SDAD1: variants seen among roughly 807,000 people sequenced by gnomAD.
SDAD1 encodes the protein SDA1 domain containing 1.
A neutral mutation model predicts 100.3 loss-of-function variants in SDAD1; 79 were observed. The observed-to-expected ratio is 0.79, with a 90% CI of 0.66 to 0.95. SDAD1 has a LOEUF of 0.95. Ranked by LOEUF, SDAD1 falls within the 40% of genes least tolerant of loss-of-function variation. The probability of loss-of-function intolerance (pLI) is 0.00; values close to 1 mark genes in which losing one functional copy is unlikely to be tolerated. For synonymous variants in SDAD1, 267 were observed against 271.4 expected, an observed-to-expected ratio of 0.98 and a Z score of 0.16; for missense variants, 790 against 810.9, an observed-to-expected ratio of 0.97 and a Z score of 0.31.
chr4:75,969,637 T>C (rs1465270415), intron 10 of SDAD1, among the ~76,000 whole-genome samples: 1 of 152,198 alleles, frequency 6.6e-6, no homozygotes, highest in Non-Finnish European at 1.5e-5. Context: ...CTCTAGATCC[T>C]TGCTTCTTAA....
intron 1 of SDAD1, among the ~76,000 whole-genome samples, chr4:75,986,700 C>T (rs1435797769): frequency 6.6e-6 from 1 of 152,068 alleles, no homozygotes; most frequent in Non-Finnish European, 1.5e-5. Context: ...TTTCTGCCAT[C>T]TTAAAAACAA....
At chr4:75,972,649 A>AT (rs33999037) in intron 8 of SDAD1, among the ~76,000 whole-genome samples, 142,038 of 143,852 alleles carry the variant, frequency 0.99, 70,125 homozygotes, top group South Asian at 1. Flanking sequence ...GGGAAGGATA[A>AT]TTTTTTTTTT....
Position 75,975,700 on chromosome 4 carries a change from G to GAA in SDAD1, c.578+42_578+43dup, listed in dbSNP as rs746715728. The GAA allele has an allele frequency of 2.1e-5, 28 of 1,325,008 alleles. 1 individual carries two copies. The South Asian group carries it at 3.1e-4, about 15-fold the overall frequency. 82.1% of individuals were successfully genotyped at this position (1,325,008 alleles called of 1,614,324 possible). ...TATGTGCTCTGTATTAATTACAAATGAAAAAAGAGTCTACTTCTCAAGAGA... is the reference window on the plus strand; with the variant it reads ...TATGTGCTCTGTATTAATTACAAATGAAAAAAAAGAGTCTACTTCTCAAGAGA... On this transcript the variant is annotated intron_variant, in intron 6 of 21. Coordinates refer to ENST00000356260, the MANE Select transcript of SDAD1 (RefSeq NM_018115.4).
chr4:75,984,762 T>TACACACAA (rs1730769637), intron 1 of SDAD1, among the ~76,000 whole-genome samples: 1 of 72,848 alleles, frequency 1.4e-5, no homozygotes, highest in African/African-American at 6.1e-5. Flanking sequence ...TTATGTGACA[T>TACACACAA]ACACACACAC....
In SDAD1 at chr4:75,990,717, T is replaced by C. The variant is rs747959286; in HGVS notation, c.90+35A>G. ...GCACCGGCGTCTCAACCATCCACTA[T>C]CCGGCCTCTAGCGTCTGCCGCGCCG... On this transcript the variant is annotated intron_variant, in intron 1 of 21. Coordinates refer to ENST00000356260, the MANE Select transcript of SDAD1 (RefSeq NM_018115.4). 5 of 1,612,878 alleles carry C rather than the reference T, an allele frequency of 3.1e-6. 1 individual carries two copies. In the South Asian group the frequency reaches 5.5e-5, roughly 18 times the overall value.
rs186384106 is a variant in SDAD1, at chr4:75,962,053, G to A, written c.1182-745C>T. Among the ~76,000 whole-genome samples, 59 of 152,130 alleles carry A rather than the reference G, an allele frequency of 3.9e-4. 1 individual carries two copies. Among genetic ancestry groups the A allele is most frequent in the Admixed American group, 1.2e-3 (19 of 15,270 alleles). On this transcript the variant is annotated intron_variant, in intron 14 of 21. Transcript: ENST00000356260. ...CCTAATGCTATCCCTCCCCACTACC[G>A]CCACCCCACGACAGGCCCCGGTGTG... is the stretch of plus-strand genomic sequence containing the variant.
At chr4:75,960,601 T>C (rs1418345225) in intron 16 of SDAD1, among the ~76,000 whole-genome samples, 1 of 152,212 alleles carries the variant, frequency 6.6e-6, no homozygotes, top group Admixed American at 6.5e-5. Context: ...CTGGTAGTTA[T>C]TAGAGAGTAA....
At position 75,977,685 on chromosome 4, in the gene SDAD1, G is replaced by C; in HGVS notation, c.366C>G (p.Phe122Leu). The change falls in exon 4 of 22, where the codon TTC (phenylalanine) becomes TTG (leucine). Residue 122 changes from phenylalanine (F) to leucine (L), a missense_variant. By Grantham distance (22) the Phe-to-Leu change is conservative. Transcript: ENST00000356260. ...TATCATGGCAACGAAAAAGTTCAAA[G>C]AAGAGTTCTAGCAGGCTTGATGGAT... is the stretch of plus-strand genomic sequence containing the variant. ...LINPSSLLEL[F>L]FELFRCHDKL... 6.2e-7 allele frequency: 1 copy of C among 1,613,236 alleles called. No homozygotes were observed. Among genetic ancestry groups the C allele is most frequent in the Non-Finnish European group, 8.5e-7 (1 of 1,179,600 alleles).
Position 75,970,328 on chromosome 4 carries a change from G to A in SDAD1, c.864C>T (p.His288=). Reference sequence around the variant, plus strand: ...ACGTACCTTGGGGATCATGAATCAAGTGAATGGCTGAAAAGTTAAACACCT... The same window carrying A: ...ACGTACCTTGGGGATCATGAATCAAATGAATGGCTGAAAAGTTAAACACCT... ...KPEVFNFSAI[H]LIHDPQDFAE... is the part of the protein sequence containing the mutation. The change falls in exon 10 of 22, where the codon CAC becomes CAT. Residue 288 remains histidine (H), a synonymous_variant. Transcript: ENST00000356260. The A allele has an allele frequency of 6.2e-7, 1 of 1,613,900 alleles. No individual in the cohort carries two copies. The highest frequency in any genetic ancestry group is 8.5e-7 in the Non-Finnish European group (1 of 1,179,824).
intron 14 of SDAD1, among the ~76,000 whole-genome samples, chr4:75,962,072 C>T (rs922699182): frequency 3.9e-5 from 6 of 152,148 alleles, no homozygotes; most frequent in Non-Finnish European, 5.9e-5. Flanking sequence ...CGACAGGCCC[C>T]GGTGTGTGAT....
At chr4:75,973,733 A>G (rs1729997551) in intron 7 of SDAD1, among the ~76,000 whole-genome samples, 4 of 152,186 alleles carry the variant, frequency 2.6e-5, no homozygotes, top group African/African-American at 7.2e-5. Context: ...CCGAAGCCCA[A>G]CGGAAGTCAA....
At chr4:75,956,860 A>G (rs1371448348) in intron 20 of SDAD1, among the ~76,000 whole-genome samples, 1 of 152,214 alleles carries the variant, frequency 6.6e-6, no homozygotes, top group Non-Finnish European at 1.5e-5. Flanking sequence ...CTATACTCCC[A>G]GCACTTTGGG....
At chr4:75,958,604 C>T (rs995700027) in intron 17 of SDAD1, among the ~76,000 whole-genome samples, 3 of 152,038 alleles carry the variant, frequency 2.0e-5, no homozygotes, top group African/African-American at 7.3e-5. Flanking sequence ...ATATACATAA[C>T]CAAGTATGAA....
At chr4:75,964,341 G>C in intron 13 of SDAD1, 130 bp from the exon 14 acceptor site, 1 of 664,446 alleles carries the variant, frequency 1.5e-6, no homozygotes, top group Non-Finnish European at 2.6e-6. Context: ...GGAATTGGAA[G>C]TAATCAAGAT....
intron 14 of SDAD1, among the ~76,000 whole-genome samples, chr4:75,963,526 G>C (rs1397272424): frequency 6.6e-6 from 1 of 152,262 alleles, no homozygotes; most frequent in Non-Finnish European, 1.5e-5. Context: ...CATGAGCATG[G>C]AATGTTCTTC....
At chr4:75,976,965 T>C (rs532718368) in intron 4 of SDAD1, among the ~76,000 whole-genome samples, 212 of 152,290 alleles carry the variant, frequency 1.4e-3, no homozygotes, top group African/African-American at 5.0e-3. Context: ...TTCCTTTTTT[T>C]CTTTAAATAC....
chr4:75,969,295 C>T lies in SDAD1; in HGVS notation c.987+1G>A, dbSNP rs1553919150. Reference sequence around the variant, plus strand: ...CAAGAGAAACATAATATAATTCAAACCTCATGAATTCCCACCAATCTGGAG... The same window carrying T: ...CAAGAGAAACATAATATAATTCAAATCTCATGAATTCCCACCAATCTGGAG... On this transcript the variant is annotated splice_donor_variant, in intron 11 of 21. Coordinates refer to ENST00000356260, the MANE Select transcript of SDAD1 (RefSeq NM_018115.4). LOFTEE classifies it high-confidence loss of function. The T allele has an allele frequency of 6.2e-7, 1 of 1,601,968 alleles. No individual in the cohort carries two copies. Among genetic ancestry groups the T allele is most frequent in the East Asian group, 2.2e-5 (1 of 44,772 alleles).
chr4:75,961,317 A>G lies in SDAD1; in HGVS notation c.1182-9T>C. The G allele has an allele frequency of 1.2e-6, 2 of 1,601,434 alleles. No individual in the cohort carries two copies. Among genetic ancestry groups the G allele is most frequent in the Non-Finnish European group, 1.7e-6 (2 of 1,171,034 alleles). On this transcript the variant is annotated splice_polypyrimidine_tract_variant and intron_variant, in intron 14 of 21. Transcript: ENST00000356260. ...CCTTTATAGCATTGATTCTAGAAAA[A>G]GAAAAACAAAGTTTAAAAGAGCCCG...
Position 75,973,383 on chromosome 4 carries a change from A to C in SDAD1, c.645T>G (p.Val215=), listed in dbSNP as rs1729974792. Residue 215 remains valine (V), a synonymous_variant, in exon 8 of 22, where the codon GTT becomes GTG. Transcript: ENST00000356260. ...ACFSKVTKIL[V]AALTFFLGKD... is the part of the protein sequence containing the mutation. Reference sequence around the variant, plus strand: ...TCCCAAGAAAGAATGTCAAAGCGGCAACTAATATCTAAACACCAATGAGAA... The same window carrying C: ...TCCCAAGAAAGAATGTCAAAGCGGCCACTAATATCTAAACACCAATGAGAA... 6 of 1,613,020 alleles carry C rather than the reference A, an allele frequency of 3.7e-6. No homozygotes were observed. Among genetic ancestry groups the C allele is most frequent in the Non-Finnish European group, 4.2e-6 (5 of 1,179,238 alleles).
Sources: allele counts gnomAD v4.1 joint callset (sites outside exome capture counted in the v4.1 genomes callset), GRCh38; gene constraint gnomAD v4.1.1; transcripts MANE v1.5; gene names NCBI Gene and HGNC (gene_info 2026-07-23, HGNC 2026-07-21).